TNFAIP8L3: variants seen among roughly 807,000 people sequenced by gnomAD.
The protein encoded by TNFAIP8L3 is TNF alpha induced protein 8 like 3, also known as tumor necrosis factor alpha-induced protein 8-like protein 3.
A neutral mutation model predicts 11.8 loss-of-function variants in TNFAIP8L3; 7 were observed. The observed-to-expected ratio is 0.59, with a 90% CI of 0.34 to 1.11. The LOEUF (loss-of-function observed/expected upper bound fraction) is 1.11, where lower values mean the gene tolerates loss of function less well. Among genes scored for constraint, TNFAIP8L3 ranks in the 50% most tolerant of loss-of-function variants. The pLI is 0.03. For synonymous variants in TNFAIP8L3, 98 were observed against 103.8 expected, an observed-to-expected ratio of 0.94 and a Z score of 0.34; for missense variants, 219 against 258.6, an observed-to-expected ratio of 0.85 and a Z score of 1.05.
At chr15:51,095,760 T>C (rs2065509558), upstream of TNFAIP8L3, among the ~76,000 whole-genome samples, 1 of 152,210 alleles carries the variant, frequency 6.6e-6, no homozygotes, top group African/African-American at 2.4e-5. Context: ...CTTGGTTATC[T>C]ATATGCTCTT....
At chr15:51,095,391 C>T (rs149463881), upstream of TNFAIP8L3, among the ~76,000 whole-genome samples, 1 of 152,148 alleles carries the variant, frequency 6.6e-6, no homozygotes, top group East Asian at 1.9e-4. Context: ...AACACACAGG[C>T]AGGTAATGCT....
intron 1 of TNFAIP8L3, among the ~76,000 whole-genome samples, chr15:51,084,753 G>C (rs2065415221): frequency 6.6e-6 from 1 of 152,184 alleles, no homozygotes; most frequent in South Asian, 2.1e-4. Flanking sequence ...GGGGCCTTTA[G>C]AAGACAGGAT....
intron 1 of TNFAIP8L3, among the ~76,000 whole-genome samples, chr15:51,090,754 T>C (rs1327719090): frequency 6.6e-6 from 1 of 152,066 alleles, no homozygotes; most frequent in East Asian, 1.9e-4. Context: ...CAGTCCTGTT[T>C]TTCTCTTGTG....
At chr15:51,063,914 C>T (rs12899586) in intron 1 of TNFAIP8L3, among the ~76,000 whole-genome samples, 56,763 of 152,024 alleles carry the variant, frequency 0.37, 10,952 homozygotes, top group African/African-American at 0.44. Context: ...TAGGCCAGTA[C>T]TTTTCCCCAA....
At chr15:51,081,672 GAAAAC>G (rs1278885573) in intron 1 of TNFAIP8L3, among the ~76,000 whole-genome samples, 8 of 152,210 alleles carry the variant, frequency 5.3e-5, no homozygotes, top group Non-Finnish European at 1.2e-4. Context: ...CAACACAACA[GAAAAC>G]AAAACAAAAC....
At chr15:51,073,724 C>A (rs569696723) in intron 1 of TNFAIP8L3, among the ~76,000 whole-genome samples, 75 of 152,334 alleles carry the variant, frequency 4.9e-4, no homozygotes, top group African/African-American at 1.8e-3. Context: ...AATAGCATTA[C>A]ATGGCATCCT....
At chr15:51,092,421 A>G (rs2065478181) in intron 1 of TNFAIP8L3, among the ~76,000 whole-genome samples, 1 of 152,254 alleles carries the variant, frequency 6.6e-6, no homozygotes, top group South Asian at 2.1e-4. Flanking sequence ...ATGCAGCCCT[A>G]GCAAGGTGGT....
intron 1 of TNFAIP8L3, among the ~76,000 whole-genome samples, chr15:51,066,537 C>G (rs570509314): frequency 1.0e-3 from 154 of 152,290 alleles, no homozygotes; most frequent in African/African-American, 3.6e-3. Context: ...CTGAACCTGT[C>G]ACGTCTCTCA....
chr15:51,078,737 C>T (rs2065372272), intron 1 of TNFAIP8L3, among the ~76,000 whole-genome samples: 1 of 152,026 alleles, frequency 6.6e-6, no homozygotes, highest in Non-Finnish European at 1.5e-5. Context: ...GTGACTCTGC[C>T]ACCGGCCTGT....
At chr15:51,077,953 T>C (rs1201956063) in intron 1 of TNFAIP8L3, among the ~76,000 whole-genome samples, 2 of 152,246 alleles carry the variant, frequency 1.3e-5, no homozygotes, top group African/African-American at 4.8e-5. Context: ...GGACCTCATC[T>C]TTCCTGGTCA....
chr15:51,086,324 C>G (rs1411163685), intron 1 of TNFAIP8L3, among the ~76,000 whole-genome samples: 1 of 152,244 alleles, frequency 6.6e-6, no homozygotes, highest in Non-Finnish European at 1.5e-5. Flanking sequence ...CCCATCTTCC[C>G]TCACAGATCG....
At chr15:51,078,660 C>A (rs1324957558) in intron 1 of TNFAIP8L3, among the ~76,000 whole-genome samples, 1 of 152,000 alleles carries the variant, frequency 6.6e-6, no homozygotes, top group South Asian at 2.1e-4. Context: ...ATCCCTCCCC[C>A]TCCACATTCA....
At chr15:51,069,409 T>C (rs1465143450) in intron 1 of TNFAIP8L3, 1 of 152,224 alleles carries the variant, frequency 6.6e-6, no homozygotes, top group African/African-American at 2.4e-5. Context: ...CAATTTCAGA[T>C]TGCTTCAATG....
intron 1 of TNFAIP8L3, among the ~76,000 whole-genome samples, chr15:51,104,347 C>T (rs771055418): frequency 3.9e-5 from 6 of 152,154 alleles, no homozygotes; most frequent in Non-Finnish European, 7.3e-5. Context: ...AGCCAGAGTT[C>T]GAGCTTTCTC....
At chr15:51,101,908 T>G (rs1187630290) in intron 1 of TNFAIP8L3, among the ~76,000 whole-genome samples, 1 of 128,984 alleles carries the variant, frequency 7.8e-6, no homozygotes. Context: ...ATTGCGCCAC[T>G]GCACTCCAGC....
At chr15:51,072,162 T>C (rs1466096729) in intron 1 of TNFAIP8L3, among the ~76,000 whole-genome samples, 2 of 152,164 alleles carry the variant, frequency 1.3e-5, no homozygotes, top group East Asian at 3.9e-4. Flanking sequence ...TTTTTTTAGA[T>C]GGAGTTTCAC....
At chr15:51,085,494 A>G (rs988949257) in intron 1 of TNFAIP8L3, among the ~76,000 whole-genome samples, 1 of 152,244 alleles carries the variant, frequency 6.6e-6, no homozygotes, top group Admixed American at 6.5e-5. Flanking sequence ...AAATGGGCCC[A>G]GGATGGAGAA....
rs541926726 is a variant in TNFAIP8L3, at chr15:51,100,343, T to A, written c.172+4662A>T. On this transcript the variant is annotated intron_variant, in intron 1 of 2. Transcript: ENST00000327536. ...AGTTACCTAGGAAGGAGGTATCCAGTGGAGTGACACAGAGCTCTGCCCTTG... is the reference window on the plus strand; with the variant it reads ...AGTTACCTAGGAAGGAGGTATCCAGAGGAGTGACACAGAGCTCTGCCCTTG... Among the ~76,000 whole-genome samples, 129 of 152,200 alleles carry A rather than the reference T, an allele frequency of 8.5e-4. 2 individuals are homozygous for A. Among genetic ancestry groups the A allele is most frequent in the African/African-American group, 3.0e-3 (126 of 41,532 alleles).
At chr15:51,100,914 C>G (rs1376360295) in intron 1 of TNFAIP8L3, among the ~76,000 whole-genome samples, 1 of 152,226 alleles carries the variant, frequency 6.6e-6, no homozygotes, top group East Asian at 1.9e-4. Flanking sequence ...TGTCCTTGCC[C>G]TTTCCATCCT....
Sources: allele counts gnomAD v4.1 joint callset (sites outside exome capture counted in the v4.1 genomes callset), GRCh38; gene constraint gnomAD v4.1.1; transcripts MANE v1.5; gene names NCBI Gene and HGNC (gene_info 2026-07-23, HGNC 2026-07-21).